Variants in SDCCAG8 observed in about 807,000 individuals in gnomAD.
SDCCAG8 encodes serologically defined colon cancer antigen 8.
A neutral mutation model predicts 101.8 loss-of-function variants in SDCCAG8; 74 were observed. That is an observed-to-expected ratio of 0.73 (90% CI 0.60 to 0.88). SDCCAG8 has a LOEUF of 0.88. Among genes scored for constraint, SDCCAG8 ranks in the 40% least tolerant of loss-of-function variants. The probability of loss-of-function intolerance (pLI) is 0.00; values close to 1 mark genes in which losing one functional copy is unlikely to be tolerated. For missense variants in SDCCAG8, 787 were observed against 822.6 expected (o/e 0.96, Z 0.53); for synonymous variants, 281 against 292.9 (o/e 0.96, Z 0.41).
chr1:243,415,620 C>T, intron 13 of SDCCAG8, 82 bp from the exon 14 acceptor site: 2 of 1,580,814 alleles, frequency 1.3e-6, no homozygotes, highest in Non-Finnish European at 1.7e-6. Context: ...TACGTATCAG[C>T]TCTCTCTGGT....
chr1:243,438,049 G>A (rs759807898), intron 16 of SDCCAG8, among the ~76,000 whole-genome samples: 24 of 152,236 alleles, frequency 1.6e-4, no homozygotes, highest in African/African-American at 2.2e-4. Flanking sequence ...AGCTTGAGGC[G>A]TTTGCTTCAT....
At chr1:243,267,489 C>G in intron 1 of SDCCAG8, 1 of 356,378 alleles carries the variant, frequency 2.8e-6, no homozygotes, top group Non-Finnish European at 5.3e-6. Context: ...GTAATCCCAG[C>G]TATTGGGGAG....
At chr1:243,400,349 T>C (rs1377255693) in intron 13 of SDCCAG8, among the ~76,000 whole-genome samples, 1 of 152,240 alleles carries the variant, frequency 6.6e-6, no homozygotes, top group Non-Finnish European at 1.5e-5. Context: ...AACTAATTTG[T>C]AGTAGGACTG....
chr1:243,302,309 T>C (rs868657307), intron 6 of SDCCAG8, among the ~76,000 whole-genome samples: 4 of 151,700 alleles, frequency 2.6e-5, no homozygotes, highest in African/African-American at 7.3e-5. Context: ...TCTGCCTGAA[T>C]AGGTTTTTAA....
Position 243,299,369 on chromosome 1 carries a change from G to A in SDCCAG8, c.676-5344G>A, listed in dbSNP as rs182720936. ...AGTGGGTTTTTATAGAAAGCATATA[G>A]TTGGGTTTTGCTTTTTTATCCAATC... On this transcript the variant is annotated intron_variant, in intron 6 of 17. Coordinates refer to ENST00000366541, the MANE Select transcript of SDCCAG8 (RefSeq NM_006642.5). Among the ~76,000 whole-genome samples the A allele has an allele frequency of 2.4e-3, 368 of 152,154 alleles. 1 individual carries two copies. The highest frequency in any genetic ancestry group is 4.0e-3 in the Non-Finnish European group (269 of 68,008).
At chr1:243,341,288 T>G in intron 11 of SDCCAG8, 115 bp downstream of exon 11, 1 of 1,180,654 alleles carries the variant, frequency 8.5e-7, no homozygotes, top group Non-Finnish European at 1.2e-6. Context: ...AGTAGAAAAG[T>G]TTTGTGATTT....
chr1:243,434,966 T>C (rs1400536232), intron 16 of SDCCAG8, among the ~76,000 whole-genome samples: 2 of 152,074 alleles, frequency 1.3e-5, no homozygotes, highest in East Asian at 3.9e-4. Flanking sequence ...GCCAAAGAAA[T>C]GATGTTACAC....
intron 12 of SDCCAG8, among the ~76,000 whole-genome samples, chr1:243,361,569 G>A (rs114543831): frequency 0.011 from 1,660 of 152,272 alleles, 32 homozygotes; most frequent in African/African-American, 0.038. Flanking sequence ...TCTCCCCACT[G>A]CCTGTCTTTC....
intron 12 of SDCCAG8, among the ~76,000 whole-genome samples, chr1:243,353,812 C>T (rs564443860): frequency 6.8e-4 from 103 of 151,998 alleles, no homozygotes; most frequent in Admixed American, 2.3e-3. Context: ...GTCATGGTAT[C>T]GTTTGGGAAT....
chr1:243,404,158 T>C (rs2079593423), intron 13 of SDCCAG8, among the ~76,000 whole-genome samples: 1 of 152,192 alleles, frequency 6.6e-6, no homozygotes, highest in African/African-American at 2.4e-5. Flanking sequence ...TTTTTAGGGG[T>C]ATTTTAGGAT....
At chr1:243,395,898 AATTTTACAGACTTGATTG>A (rs2079003909) in intron 13 of SDCCAG8, among the ~76,000 whole-genome samples, 1 of 152,200 alleles carries the variant, frequency 6.6e-6, no homozygotes, top group East Asian at 1.9e-4. Context: ...AAATTTAGAA[AATTTTACAGACTTGATTG>A]ATTTTACTTG....
intron 6 of SDCCAG8, among the ~76,000 whole-genome samples, chr1:243,299,438 G>A (rs1327785267): frequency 6.6e-6 from 1 of 152,058 alleles, no homozygotes. Flanking sequence ...ACAAAGGCAG[G>A]GTTTCGCTTT....
intron 5 of SDCCAG8, among the ~76,000 whole-genome samples, chr1:243,291,161 A>G (rs2070216475): frequency 6.6e-6 from 1 of 152,142 alleles, no homozygotes; most frequent in African/African-American, 2.4e-5. Flanking sequence ...CTACTACCAT[A>G]TCCTTTGGCC....
At chr1:243,332,204 G>A (rs895900311) in intron 10 of SDCCAG8, among the ~76,000 whole-genome samples, 1 of 152,188 alleles carries the variant, frequency 6.6e-6, no homozygotes, top group Non-Finnish European at 1.5e-5. Flanking sequence ...AGAGTAGTGG[G>A]AATGAGTTTG....
intron 12 of SDCCAG8, among the ~76,000 whole-genome samples, chr1:243,366,506 C>T (rs2076997726): frequency 1.3e-5 from 2 of 151,746 alleles, no homozygotes; most frequent in African/African-American, 4.8e-5. Flanking sequence ...ATATAATTAG[C>T]CCAAAATATA....
In SDCCAG8 at chr1:243,341,160, TG is replaced by T. The variant is rs769732696; in HGVS notation, c.1345del (p.Asp449MetfsTer13). 6.2e-7 allele frequency: 1 copy of T among 1,614,028 alleles called. No homozygotes were observed. The highest frequency in any genetic ancestry group is 1.1e-5 in the South Asian group (1 of 91,078). ...EIQSQLASRE[M>X]DVTKVCGEMR... The stretch of plus-strand genomic sequence containing the variant: ...CAAAGCCAGCTGGCTTCTCGGGAAA[TG>T]GATGTCACAAAGGTACAGAAAGAGA... On this transcript the variant is annotated frameshift_variant, in exon 11 of 18. Coordinates refer to ENST00000366541, the MANE Select transcript of SDCCAG8 (RefSeq NM_006642.5). LOFTEE classifies it high-confidence loss of function.
chr1:243,371,006 A>G (rs1336067394), intron 12 of SDCCAG8, among the ~76,000 whole-genome samples: 2 of 152,102 alleles, frequency 1.3e-5, no homozygotes, highest in Admixed American at 1.3e-4. Context: ...ACTTGAGGCT[A>G]AGCAAATCCA....
chr1:243,479,185 G>C (rs1168296294), intron 16 of SDCCAG8, among the ~76,000 whole-genome samples: 1 of 152,194 alleles, frequency 6.6e-6, no homozygotes, highest in African/African-American at 2.4e-5. Context: ...AGCAGTAATT[G>C]CATTTTCAAA....
At chr1:243,478,289 G>A (rs146972020) in intron 16 of SDCCAG8, among the ~76,000 whole-genome samples, 160 of 152,330 alleles carry the variant, frequency 1.1e-3, no homozygotes, top group African/African-American at 3.6e-3. Flanking sequence ...GGGCTCTAGC[G>A]CCAGATTTAC....
Sources: gnomAD v4.1 joint callset for allele counts (sites outside exome capture counted in the v4.1 genomes callset) on GRCh38, gnomAD v4.1.1 for gene constraint, MANE v1.5 for transcripts, NCBI Gene and HGNC (gene_info 2026-07-23, HGNC 2026-07-21) for gene names.